UGT1A8: variants seen among roughly 807,000 people sequenced by gnomAD.
The protein encoded by UGT1A8 is UDP-glucuronosyltransferase 1A8.
In UGT1A8, 39 loss-of-function variants were observed where a neutral mutation model predicts 45.3. That is an observed-to-expected ratio of 0.86 (90% CI 0.67 to 1.12). The LOEUF is 1.12. Among genes scored for constraint, UGT1A8 ranks in the 50% most tolerant of loss-of-function variants. The pLI is 0.00. For synonymous variants in UGT1A8, 275 were observed against 249.2 expected (o/e 1.10, Z -0.97); for missense variants, 719 against 664.9 (o/e 1.08, Z -0.90).
intron 1 of UGT1A8, among the ~76,000 whole-genome samples, chr2:233,680,336 G>T (rs969831488): frequency 1.3e-5 from 2 of 152,160 alleles, no homozygotes; most frequent in South Asian, 4.1e-4. Context: ...CGCGCAGAGG[G>T]TATAAACGTC....
intron 1 of UGT1A8, among the ~76,000 whole-genome samples, chr2:233,684,577 C>T (rs2074685894): frequency 6.6e-6 from 1 of 152,090 alleles, no homozygotes; most frequent in South Asian, 2.1e-4. Context: ...AAATATGAAA[C>T]ATTGAGCCAT....
At chr2:233,764,093 T>G (rs1018562208) in intron 1 of UGT1A8, among the ~76,000 whole-genome samples, 2 of 152,200 alleles carry the variant, frequency 1.3e-5, no homozygotes, top group African/African-American at 4.8e-5. Context: ...AAGCCTAAAC[T>G]AAAAATACAA....
intron 1 of UGT1A8, among the ~76,000 whole-genome samples, chr2:233,683,661 A>G (rs956582405): frequency 3.3e-5 from 5 of 152,054 alleles, no homozygotes; most frequent in Admixed American, 1.3e-4. Context: ...AAAGTATTTC[A>G]TCTTTCTTAT....
intron 4 of UGT1A8, 26 bp downstream of exon 4, chr2:233,768,465 C>T: frequency 6.2e-7 from 1 of 1,606,188 alleles, no homozygotes; most frequent in Non-Finnish European, 8.5e-7. Context: ...CAGAAGAATA[C>T]TTTGGTCATG....
At chr2:233,664,210 AT>A (rs765288843) in intron 1 of UGT1A8, among the ~76,000 whole-genome samples, 6 of 152,230 alleles carry the variant, frequency 3.9e-5, no homozygotes, top group Non-Finnish European at 7.4e-5. Flanking sequence ...TTCTATCAGT[AT>A]TTTGGTCACA....
At chr2:233,678,737 T>C (rs1383444889) in intron 1 of UGT1A8, among the ~76,000 whole-genome samples, 1 of 150,274 alleles carries the variant, frequency 6.7e-6, no homozygotes, top group African/African-American at 2.4e-5. Flanking sequence ...CAAGTACTGA[T>C]TGGAAAGCAC....
At chr2:233,629,162 T>C (rs2073144536) in intron 1 of UGT1A8, among the ~76,000 whole-genome samples, 2 of 152,134 alleles carry the variant, frequency 1.3e-5, no homozygotes, top group South Asian at 4.1e-4. Context: ...TTCCACTCTT[T>C]TATTCTACGT....
At chr2:233,642,739 C>T (rs903545249) in intron 1 of UGT1A8, among the ~76,000 whole-genome samples, 2 of 152,214 alleles carry the variant, frequency 1.3e-5, no homozygotes, top group African/African-American at 4.8e-5. Flanking sequence ...CACCCCAAGC[C>T]TAGTAACGCT....
intron 1 of UGT1A8, among the ~76,000 whole-genome samples, chr2:233,674,127 T>C (rs998986174): frequency 5.9e-5 from 9 of 152,216 alleles, no homozygotes; most frequent in Non-Finnish European, 1.2e-4. Context: ...TCTATTGTTC[T>C]GGCTCCTTAC....
chr2:233,680,683 G>A (rs2074494479), intron 1 of UGT1A8, among the ~76,000 whole-genome samples: 1 of 151,932 alleles, frequency 6.6e-6, no homozygotes, highest in Admixed American at 6.5e-5. Context: ...TGTGGAAGGA[G>A]GATGAAAACA....
intron 1 of UGT1A8, among the ~76,000 whole-genome samples, chr2:233,667,532 G>A (rs561659960): frequency 3.6e-3 from 548 of 152,258 alleles, no homozygotes; most frequent in Non-Finnish European, 5.0e-3. Context: ...ATTGACAAAT[G>A]GGATCTCATT....
chr2:233,765,938 G>C (rs1244987830), intron 1 of UGT1A8, among the ~76,000 whole-genome samples: 1 of 152,062 alleles, frequency 6.6e-6, no homozygotes, highest in Non-Finnish European at 1.5e-5. Context: ...AGGTTGTGGG[G>C]CTCTGACCTC....
intron 1 of UGT1A8, among the ~76,000 whole-genome samples, chr2:233,687,600 A>AG (rs1235597236): frequency 6.6e-6 from 1 of 151,498 alleles, no homozygotes; most frequent in East Asian, 1.9e-4. Context: ...AAAAAAAAAA[A>AG]AAAAAAAGGA....
At chr2:233,690,390 C>A in intron 1 of UGT1A8, 1 of 1,083,920 alleles carries the variant, frequency 9.2e-7, no homozygotes, top group Non-Finnish European at 1.2e-6. Context: ...CGTTTCCAGA[C>A]CTTCCTATTC....
At chr2:233,668,149 G>A (rs2074115148) in intron 1 of UGT1A8, among the ~76,000 whole-genome samples, 1 of 151,914 alleles carries the variant, frequency 6.6e-6, no homozygotes, top group Non-Finnish European at 1.5e-5. Flanking sequence ...TTGGTTTGCT[G>A]CACCCATTAA....
intron 1 of UGT1A8, among the ~76,000 whole-genome samples, chr2:233,655,758 C>A (rs2924451): frequency 0.76 from 115,063 of 151,434 alleles, 43,816 homozygotes; most frequent in Non-Finnish European, 0.8. Flanking sequence ...TTCACAGAGC[C>A]CCATCCCTGC....
chr2:233,663,979 C>T (rs1383361781), intron 1 of UGT1A8, among the ~76,000 whole-genome samples: 1 of 152,170 alleles, frequency 6.6e-6, no homozygotes, highest in Non-Finnish European at 1.5e-5. Flanking sequence ...TAGTTACAAG[C>T]AGCCAGGCCA....
chr2:233,760,445 G>A (rs2125984169), intron 1 of UGT1A8: 1 of 1,614,212 alleles, frequency 6.2e-7, no homozygotes, highest in Non-Finnish European at 8.5e-7. Context: ...CTGCAGCAGA[G>A]GGGACATGAA....
At chr2:233,654,306 C>G (rs1347098867) in intron 1 of UGT1A8, among the ~76,000 whole-genome samples, 1 of 152,120 alleles carries the variant, frequency 6.6e-6, no homozygotes, top group South Asian at 2.1e-4. Flanking sequence ...GGATTTGGAT[C>G]CTTAGGGAAT....
Sources: gnomAD v4.1 joint callset for allele counts (sites outside exome capture counted in the v4.1 genomes callset) on GRCh38, gnomAD v4.1.1 for gene constraint, MANE v1.5 for transcripts, NCBI Gene and HGNC (gene_info 2026-07-23, HGNC 2026-07-21) for gene names.